Variants in SDK2 observed in about 807,000 individuals in gnomAD.
SDK2 encodes the protein sidekick cell adhesion molecule 2, also known as protein sidekick-2.
SDK2 carries 105 observed loss-of-function variants against 253.9 expected under a neutral mutation model. That is an observed-to-expected ratio of 0.41 (90% confidence interval 0.35 to 0.49). The LOEUF is 0.49. Ranked by LOEUF, SDK2 falls within the 20% of genes least tolerant of loss-of-function variation. The probability of loss-of-function intolerance (pLI) is 0.06; values close to 1 mark genes in which losing one functional copy is unlikely to be tolerated. For synonymous variants in SDK2, 1,249 were observed against 1,234.9 expected (o/e 1.01, Z -0.24); for missense variants, 2,608 against 3,003.0 (o/e 0.87, Z 3.07).
chr17:73,385,284 C>T (rs940538571), intron 32 of SDK2, among the ~76,000 whole-genome samples: 12 of 152,200 alleles, frequency 7.9e-5, no homozygotes, highest in Non-Finnish European at 2.9e-5. Context: ...TGCCCATGGT[C>T]TTCCCCAGGC....
chr17:73,522,672 A>C (rs760231457), intron 1 of SDK2, among the ~76,000 whole-genome samples: 5 of 152,132 alleles, frequency 3.3e-5, no homozygotes, highest in Non-Finnish European at 7.4e-5. Context: ...TCTCTCGCTC[A>C]ATGTCATGTC....
chr17:73,376,859 T>C (rs1365491413), intron 36 of SDK2, among the ~76,000 whole-genome samples: 2 of 152,210 alleles, frequency 1.3e-5, no homozygotes, highest in Non-Finnish European at 1.5e-5. Flanking sequence ...AACATGCCTT[T>C]CCTCCTTCCT....
intron 1 of SDK2, among the ~76,000 whole-genome samples, chr17:73,585,984 G>C (rs2045598282): frequency 6.6e-6 from 1 of 152,138 alleles, no homozygotes; most frequent in African/African-American, 2.4e-5. Context: ...ACTCGGAAAG[G>C]GACAAGAAAC....
chr17:73,426,231 T>TC (rs1200931552), intron 12 of SDK2, among the ~76,000 whole-genome samples: 2 of 129,364 alleles, frequency 1.5e-5, no homozygotes, highest in East Asian at 2.2e-4. Flanking sequence ...TTTTTTTTTT[T>TC]TTTTTCTGTA....
In SDK2 at chr17:73,395,922, C is replaced by CTT. The variant is rs371190241; in HGVS notation, c.3355-532_3355-531dup. Reference sequence around the variant, plus strand: ...GCATTTTCAGCCTCCTTTTTCTTTTCTTTTTTTTTTTTAAGACAGGGTCTG... The same window carrying CTT: ...GCATTTTCAGCCTCCTTTTTCTTTTCTTTTTTTTTTTTTTAAGACAGGGTCTG... On this transcript the variant is annotated intron_variant, in intron 24 of 44. Transcript: ENST00000392650. This position sits in a 1 kb window ranked among gnomAD's most constrained non-coding sequence, Gnocchi z 4.3. 9.1e-4 allele frequency among the ~76,000 whole-genome samples: 132 copies of CTT among 144,494 alleles called. No homozygotes were observed. The highest frequency in any genetic ancestry group is 3.1e-3 in the African/African-American group (119 of 38,372). 94.8% of individuals were successfully genotyped at this position (144,494 alleles called of 152,430 possible).
intron 1 of SDK2, among the ~76,000 whole-genome samples, chr17:73,543,289 T>C (rs2044899485): frequency 6.6e-6 from 1 of 151,956 alleles, no homozygotes; most frequent in South Asian, 2.1e-4. Flanking sequence ...GAGGCAGTGA[T>C]GGTGCCCGCA....
intron 1 of SDK2, among the ~76,000 whole-genome samples, chr17:73,619,872 GAACAACAAC>G (rs1004784876): frequency 3.3e-5 from 5 of 151,918 alleles, no homozygotes; most frequent in African/African-American, 7.3e-5. Flanking sequence ...CCTTACAACT[GAACAACAAC>G]AACAACAACA....
At chr17:73,635,659 C>T (rs566887355) in intron 1 of SDK2, among the ~76,000 whole-genome samples, 9 of 152,320 alleles carry the variant, frequency 5.9e-5, no homozygotes, top group African/African-American at 2.2e-4. Context: ...AATTTCATCA[C>T]CCCTCTGGGT....
chr17:73,636,680 CAAAAAAA>C (rs561026344), intron 1 of SDK2, among the ~76,000 whole-genome samples: 55 of 50,996 alleles, frequency 1.1e-3, no homozygotes, highest in African/African-American at 2.6e-3. Context: ...GACTCTGTCT[CAAAAAAA>C]AAAAAAAAAA....
chr17:73,404,839 C>T (rs964391272), intron 18 of SDK2, among the ~76,000 whole-genome samples: 13 of 152,066 alleles, frequency 8.5e-5, no homozygotes, highest in Non-Finnish European at 1.8e-4. Context: ...GAAATTCCCC[C>T]TTAGAGAGCA....
chr17:73,549,847 A>G (rs1330067848), intron 1 of SDK2, among the ~76,000 whole-genome samples: 1 of 152,192 alleles, frequency 6.6e-6, no homozygotes, highest in Non-Finnish European at 1.5e-5. Context: ...GCAACAGATC[A>G]GATTTCTGTA....
In SDK2 at chr17:73,440,787, G is replaced by A. The variant is rs189428860; in HGVS notation, c.725+25C>T. On this transcript the variant is annotated intron_variant, in intron 6 of 44. Coordinates refer to ENST00000392650, the MANE Select transcript of SDK2 (RefSeq NM_001144952.2). ...GCAGCAGCTGGAGTTACGGGTGCGG[G>A]AGCGAGGGAAGATGCACTACCTACC... 19 of 1,499,632 alleles carry A rather than the reference G, an allele frequency of 1.3e-5. No homozygotes were observed. In the East Asian group the frequency reaches 3.9e-4, roughly 31 times the overall value. The allele number at this position is 1,499,632 out of a possible 1,614,324, so 92.9% of individuals were successfully genotyped here.
chr17:73,448,129 T>C (rs1185384160), intron 4 of SDK2, among the ~76,000 whole-genome samples: 2 of 152,234 alleles, frequency 1.3e-5, no homozygotes, highest in African/African-American at 4.8e-5. Context: ...TTCTGCATGA[T>C]GTACATCCAG....
chr17:73,535,501 G>A (rs909777009), intron 1 of SDK2, among the ~76,000 whole-genome samples: 6 of 152,156 alleles, frequency 3.9e-5, no homozygotes, highest in African/African-American at 7.2e-5. Context: ...TTCCTTCTTC[G>A]CCTGTCTTGC....
intron 4 of SDK2, among the ~76,000 whole-genome samples, chr17:73,454,378 T>C (rs1211305522): frequency 2.0e-5 from 3 of 152,266 alleles, no homozygotes; most frequent in South Asian, 4.1e-4. Context: ...GACTCCGGAG[T>C]TGGCAGGGCT....
Position 73,398,302 on chromosome 17 carries a change from C to T in SDK2, c.3203+18G>A. 3 of 1,612,512 alleles carry T rather than the reference C, an allele frequency of 1.9e-6. No homozygotes were observed. The highest frequency in any genetic ancestry group is 3.3e-5 in the Admixed American group (2 of 59,990). On this transcript the variant is annotated intron_variant, in intron 23 of 44. Coordinates refer to ENST00000392650, the MANE Select transcript of SDK2 (RefSeq NM_001144952.2). ...CAGCCCTGAGGCTGCTGCCTTCTCC[C>T]CGGGCCAGTCTCATTACCTGTAGCA...
At chr17:73,409,284 C>T (rs1488327680) in intron 18 of SDK2, among the ~76,000 whole-genome samples, 2 of 152,102 alleles carry the variant, frequency 1.3e-5, no homozygotes, top group Non-Finnish European at 2.9e-5. Flanking sequence ...AGTTTGAGGC[C>T]AGCCTGGTCA....
intron 1 of SDK2, among the ~76,000 whole-genome samples, chr17:73,535,212 C>T (rs866735134): frequency 6.6e-6 from 1 of 152,214 alleles, no homozygotes; most frequent in African/African-American, 2.4e-5. Flanking sequence ...CATTTCCCAT[C>T]CCACCTTCCT....
intron 1 of SDK2, among the ~76,000 whole-genome samples, chr17:73,582,430 CTT>C (rs1599699437): frequency 6.6e-6 from 1 of 152,226 alleles, no homozygotes; most frequent in South Asian, 2.1e-4. Flanking sequence ...GGCACGAACA[CTT>C]TGCCTTTTTT....
Sources: gnomAD v4.1 joint callset for allele counts (sites outside exome capture counted in the v4.1 genomes callset) on GRCh38, gnomAD v4.1.1 for gene constraint, Gnocchi (gnomAD v3.1) non-coding constraint, MANE v1.5 for transcripts, NCBI Gene and HGNC (gene_info 2026-07-23, HGNC 2026-07-21) for gene names.